Variants in LAMC2 observed in about 807,000 individuals in gnomAD.
LAMC2 encodes laminin subunit gamma-2.
Under a neutral mutation model 140.2 loss-of-function variants are expected in LAMC2, and 97 were observed. The ratio of observed to expected loss-of-function variants is 0.69; its 90% CI spans 0.59 to 0.82. The LOEUF is 0.82. Among genes scored for constraint, LAMC2 ranks in the 40% least tolerant of loss-of-function variants. The pLI, the probability that LAMC2 is intolerant of heterozygous loss-of-function variation, is 0.00. For synonymous variants in LAMC2, 513 were observed against 540.2 expected, an observed-to-expected ratio of 0.95 and a Z score of 0.70; for missense variants, 1,402 against 1,476.1, an observed-to-expected ratio of 0.95 and a Z score of 0.82.
At chr1:183,201,351 C>T (rs182440795) in intron 1 of LAMC2, among the ~76,000 whole-genome samples, 12 of 152,046 alleles carry the variant, frequency 7.9e-5, no homozygotes. Flanking sequence ...GATCCCGAAC[C>T]CATACCTGGG....
At chr1:183,192,253 A>T (rs1427501236) in intron 1 of LAMC2, among the ~76,000 whole-genome samples, 1 of 152,046 alleles carries the variant, frequency 6.6e-6, no homozygotes, top group East Asian at 1.9e-4. Flanking sequence ...ATATTTACAG[A>T]ATTCTAACCG....
chr1:183,226,297 G>A (rs1002903938), intron 8 of LAMC2, among the ~76,000 whole-genome samples: 1 of 152,058 alleles, frequency 6.6e-6, no homozygotes, highest in African/African-American at 2.4e-5. Flanking sequence ...AAATAAAGTC[G>A]GAAGCAGAAA....
At chr1:183,203,197 T>C (rs1394761044) in intron 1 of LAMC2, among the ~76,000 whole-genome samples, 1 of 151,970 alleles carries the variant, frequency 6.6e-6, no homozygotes, top group African/African-American at 2.4e-5. Context: ...AAAAGAAGAG[T>C]TGATGTTGAC....
At chr1:183,230,250 A>G (rs1659759531) in intron 11 of LAMC2, among the ~76,000 whole-genome samples, 1 of 152,218 alleles carries the variant, frequency 6.6e-6, no homozygotes, top group Non-Finnish European at 1.5e-5. Flanking sequence ...AAGTCATCCC[A>G]ACTCTCGAAG....
chr1:183,239,642 C>A, intron 20 of LAMC2, 79 bp downstream of exon 20: 1 of 1,275,942 alleles, frequency 7.8e-7, no homozygotes, highest in Non-Finnish European at 1.1e-6. Flanking sequence ...GAACATTGAG[C>A]TTATTTTAAC....
At chr1:183,223,961 G>T (rs1659550914) in intron 7 of LAMC2, among the ~76,000 whole-genome samples, 2 of 152,160 alleles carry the variant, frequency 1.3e-5, no homozygotes, top group South Asian at 4.1e-4. Context: ...GCTCAGTAGT[G>T]CACTGGAGGC....
At chr1:183,257,384 T>C in the LAMC2 span, among the ~76,000 whole-genome samples, 1 of 152,086 alleles carries the variant, frequency 6.6e-6, no homozygotes, top group African/African-American at 2.4e-5. Flanking sequence ...GAGGTTGCAG[T>C]GAGCCAAGAT....
chr1:183,200,677 T>G (rs1658679025), intron 1 of LAMC2, among the ~76,000 whole-genome samples: 1 of 151,928 alleles, frequency 6.6e-6, no homozygotes. Context: ...TGGAGCTGCG[T>G]GTTTTAGTGA....
In LAMC2 at chr1:183,243,505, A is replaced by G; in HGVS notation, c.*105A>G. On this transcript the variant is annotated 3_prime_UTR_variant, in exon 23 of 23. Transcript: ENST00000264144. ...GGATGGGGACATTTGAACATGTTTA[A>G]TGGGTATGCTCAGGTCAACTGACCT... The G allele has an allele frequency of 1.4e-6, 2 of 1,423,594 alleles. No individual in the cohort carries two copies. Among genetic ancestry groups the G allele is most frequent in the Non-Finnish European group, 2.0e-6 (2 of 1,011,790 alleles). The allele number at this position is 1,423,594 out of a possible 1,614,324, so 88.2% of individuals were successfully genotyped here.
chr1:183,223,162 G>A lies in LAMC2; in HGVS notation c.791G>A (p.Ser264Asn), dbSNP rs146878689. 6.8e-5 allele frequency: 110 copies of A among 1,614,016 alleles called. No individual in the cohort carries two copies. The highest frequency in any genetic ancestry group is 9.2e-5 in the Non-Finnish European group (108 of 1,180,028). Residue 264 changes from serine to asparagine, a missense_variant, in exon 7 of 23, where the codon AGC (serine) becomes AAC (asparagine). By Grantham distance (46) the Ser-to-Asn change is conservative. Coordinates refer to ENST00000264144, the MANE Select transcript of LAMC2 (RefSeq NM_005562.3). Reference sequence around the variant, plus strand: ...AAATTTCTTGGGAATCAACAGGTGAGCTATGGTCAAAGCCTGTCCTTTGAC... The same window carrying A: ...AAATTTCTTGGGAATCAACAGGTGAACTATGGTCAAAGCCTGTCCTTTGAC... ...PAKFLGNQQVSYGQSLSFDYR... is the reference protein window; with the variant it reads ...PAKFLGNQQVNYGQSLSFDYR...
chr1:183,189,465 G>A (rs191191151), intron 1 of LAMC2, among the ~76,000 whole-genome samples: 3 of 152,296 alleles, frequency 2.0e-5, no homozygotes, highest in Admixed American at 1.3e-4. Context: ...CTGTGAGGGT[G>A]AGGCTACAGT....
rs145744156 is a variant in LAMC2, at chr1:183,187,016, G to A, written c.79+585G>A. On this transcript the variant is annotated intron_variant, in intron 1 of 22. Coordinates refer to ENST00000264144, the MANE Select transcript of LAMC2 (RefSeq NM_005562.3). Reference sequence around the variant, plus strand: ...CATATATCATTTGATCTTATCTAGGGCACCTAGTTGGCTGTCATGTGTTAG... The same window carrying A: ...CATATATCATTTGATCTTATCTAGGACACCTAGTTGGCTGTCATGTGTTAG... Among the ~76,000 whole-genome samples the A allele has an allele frequency of 3.9e-5, 6 of 152,236 alleles. No homozygotes were observed. In the East Asian group the frequency reaches 1.2e-3, roughly 29 times the overall value.
At chr1:183,198,143 T>TC (rs201923313) in intron 1 of LAMC2, among the ~76,000 whole-genome samples, 1,546 of 142,488 alleles carry the variant, frequency 0.011, 41 homozygotes, top group African/African-American at 0.037. Flanking sequence ...TTTCTTTCTT[T>TC]TTTTTTTTTT....
intron 14 of LAMC2, among the ~76,000 whole-genome samples, chr1:183,233,208 A>G (rs1327822524): frequency 3.9e-5 from 6 of 152,130 alleles, no homozygotes; most frequent in Admixed American, 3.3e-4. Flanking sequence ...AACACAGTGT[A>G]TAGCTGTGGT....
chr1:183,226,013 T>C (rs910327816), intron 8 of LAMC2, among the ~76,000 whole-genome samples: 4 of 152,318 alleles, frequency 2.6e-5, no homozygotes, highest in Middle Eastern at 3.4e-3. Context: ...CTACAATAAA[T>C]GGACACATTT....
chr1:183,252,511 C>G, the LAMC2 span: 1 of 749,238 alleles, frequency 1.3e-6, no homozygotes, highest in African/African-American at 1.7e-5. Context: ...GTCCCCCACA[C>G]TATGGGGGGT....
At chr1:183,231,708 T>C (rs1237826051) in intron 12 of LAMC2, among the ~76,000 whole-genome samples, 1 of 152,236 alleles carries the variant, frequency 6.6e-6, no homozygotes, top group African/African-American at 2.4e-5. Context: ...TTTTTCTTCC[T>C]GGAATGAGGA....
the LAMC2 span, among the ~76,000 whole-genome samples, chr1:183,253,185 C>T: frequency 6.7e-6 from 1 of 149,658 alleles, no homozygotes; most frequent in Non-Finnish European, 1.5e-5. Flanking sequence ...TTGTAAGATA[C>T]ACATATATTA....
At chr1:183,232,035 G>T in intron 12 of LAMC2, 152 bp from the exon 13 acceptor site, 1 of 850,556 alleles carries the variant, frequency 1.2e-6, no homozygotes. Flanking sequence ...CAAACTCAAG[G>T]ACTCTCTAGG....
Sources: gnomAD v4.1 joint callset for allele counts (sites outside exome capture counted in the v4.1 genomes callset) on GRCh38, gnomAD v4.1.1 for gene constraint, MANE v1.5 for transcripts, NCBI Gene and HGNC (gene_info 2026-07-23, HGNC 2026-07-21) for gene names.